Variants in IQGAP2 observed in about 807,000 individuals in gnomAD.
The protein encoded by IQGAP2 is ras GTPase-activating-like protein IQGAP2.
In IQGAP2, 173 loss-of-function variants were observed where a neutral mutation model predicts 201.3. The observed-to-expected ratio is 0.86, with a 90% CI of 0.76 to 0.98. The LOEUF (loss-of-function observed/expected upper bound fraction) is 0.98, where lower values mean the gene tolerates loss of function less well. Among genes scored for constraint, IQGAP2 ranks in the 50% least tolerant of loss-of-function variants. IQGAP2 has a pLI of 0.00. For missense variants in IQGAP2, 1,687 were observed against 1,864.8 expected (o/e 0.90, Z 1.76); for synonymous variants, 675 against 673.9 (o/e 1.00, Z -0.03).
intron 2 of IQGAP2, among the ~76,000 whole-genome samples, chr5:76,537,793 G>C (rs1361845307): frequency 6.6e-6 from 1 of 152,108 alleles, no homozygotes. Flanking sequence ...TGTGTGATGG[G>C]CTAGAACCAG....
chr5:76,437,134 C>T (rs1382319099), intron 1 of IQGAP2, among the ~76,000 whole-genome samples: 1 of 152,068 alleles, frequency 6.6e-6, no homozygotes, highest in Non-Finnish European at 1.5e-5. Context: ...TCACTGCAAC[C>T]TCTGCCTTTT....
intron 2 of IQGAP2, among the ~76,000 whole-genome samples, chr5:76,557,958 T>A (rs1265913514): frequency 1.3e-5 from 2 of 152,030 alleles, no homozygotes; most frequent in African/African-American, 4.8e-5. Context: ...AGGTGCCCAT[T>A]ACGATGCCTG....
intron 1 of IQGAP2, among the ~76,000 whole-genome samples, chr5:76,417,788 C>G (rs1751495600): frequency 6.6e-6 from 1 of 151,626 alleles, no homozygotes. Flanking sequence ...CGCCATGTTG[C>G]CCAGGCTGGT....
intron 17 of IQGAP2, among the ~76,000 whole-genome samples, chr5:76,648,163 G>A (rs1453120811): frequency 6.6e-6 from 1 of 152,176 alleles, no homozygotes; most frequent in Non-Finnish European, 1.5e-5. Context: ...GAGAGGTCCA[G>A]TAGGTAGCTG....
rs772650342 is a variant in IQGAP2, at chr5:76,606,303, C to T, written c.1357C>T (p.Arg453Ter). 4.4e-6 allele frequency: 7 copies of T among 1,593,422 alleles called. No individual in the cohort carries two copies. Among genetic ancestry groups the T allele is most frequent in the South Asian group, 3.5e-5 (3 of 86,222 alleles). ...TGCTCAAATTCAAGAAGAAAATGAC[C>T]GTAAGTATAAGACACTTTCCTTCTC... ...VNAQIQEEND[R>*]VVAVGYINEA... Residue 453 changes from arginine to a stop codon, truncating the protein, a stop_gained and splice_region_variant, in exon 12 of 36, where the codon CGA becomes TGA. Coordinates refer to ENST00000274364, the MANE Select transcript of IQGAP2 (RefSeq NM_006633.5). LOFTEE classifies it high-confidence loss of function.
At chr5:76,428,063 A>G (rs907327525) in intron 1 of IQGAP2, among the ~76,000 whole-genome samples, 15 of 152,200 alleles carry the variant, frequency 9.9e-5, no homozygotes, top group African/African-American at 3.6e-4. Flanking sequence ...TGAAGGGGCA[A>G]ACTGGCCCCA....
rs1306430746 is a variant in IQGAP2 at position 76,651,058 on chromosome 5, C to A, written c.2095-1692C>A. 2.6e-5 allele frequency among the ~76,000 whole-genome samples: 4 copies of A among 152,214 alleles called. No individual in the cohort carries two copies. The East Asian group carries it at 7.7e-4, about 29-fold the overall frequency. ...CAAAACTATACCCTTTTGTAGTTTC[C>A]TCGAGCTCACACTTCACCATCTATG... On this transcript the variant is annotated intron_variant, in intron 17 of 35. Transcript: ENST00000274364.
chr5:76,545,583 T>C (rs902495150), intron 2 of IQGAP2, among the ~76,000 whole-genome samples: 5 of 152,162 alleles, frequency 3.3e-5, no homozygotes, highest in African/African-American at 1.2e-4. Context: ...GTGTAAGTAT[T>C]TTTAATTTAT....
At chr5:76,669,950 G>A (rs1311174392) in intron 23 of IQGAP2, among the ~76,000 whole-genome samples, 1 of 152,164 alleles carries the variant, frequency 6.6e-6, no homozygotes, top group South Asian at 2.1e-4. Context: ...AGCCTCCTGA[G>A]TAGCTGGGAC....
intron 9 of IQGAP2, among the ~76,000 whole-genome samples, chr5:76,594,195 C>T (rs1501788): frequency 0.35 from 52,475 of 152,006 alleles, 9,457 homozygotes; most frequent in South Asian, 0.59. Flanking sequence ...AAGCTGAGAA[C>T]TTCGTGATGC....
intron 3 of IQGAP2, among the ~76,000 whole-genome samples, chr5:76,566,271 T>G (rs1744743039): frequency 6.6e-6 from 1 of 151,908 alleles, no homozygotes; most frequent in Admixed American, 6.6e-5. Flanking sequence ...CGAAAGCCAG[T>G]GTTATGGGTA....
At chr5:76,620,733 GT>G (rs1219974163) in intron 13 of IQGAP2, among the ~76,000 whole-genome samples, 1 of 152,056 alleles carries the variant, frequency 6.6e-6, no homozygotes, top group Non-Finnish European at 1.5e-5. Flanking sequence ...GACTTTAGGG[GT>G]AATGACAGAT....
chr5:76,574,129 T>G (rs1221072736), intron 4 of IQGAP2, among the ~76,000 whole-genome samples: 1 of 152,186 alleles, frequency 6.6e-6, no homozygotes, highest in African/African-American at 2.4e-5. Context: ...TACCATATGA[T>G]GCATTATTTT....
intron 16 of IQGAP2, among the ~76,000 whole-genome samples, chr5:76,637,893 T>G (rs1751271351): frequency 6.6e-6 from 1 of 152,246 alleles, no homozygotes; most frequent in South Asian, 2.1e-4. Context: ...CAAGATACAT[T>G]GAACTGGAAT....
At chr5:76,706,672 A>G (rs773839616) in intron 35 of IQGAP2, among the ~76,000 whole-genome samples, 7 of 152,352 alleles carry the variant, frequency 4.6e-5, no homozygotes, top group Middle Eastern at 3.4e-3. Context: ...TCTAAAGAAT[A>G]TGCATCTAGC....
At chr5:76,469,647 G>A (rs534752246) in intron 2 of IQGAP2, among the ~76,000 whole-genome samples, 22 of 152,124 alleles carry the variant, frequency 1.4e-4, no homozygotes, top group African/African-American at 4.6e-4. Context: ...CAAGTGATCC[G>A]CCTGCATTGG....
intron 22 of IQGAP2, among the ~76,000 whole-genome samples, chr5:76,666,862 G>GCCT (rs1440390631): frequency 2.6e-5 from 4 of 152,082 alleles, no homozygotes; most frequent in African/African-American, 7.2e-5. Flanking sequence ...TCCCACCTTG[G>GCCT]CCTCCTGAGT....
At chr5:76,418,585 C>A in intron 1 of IQGAP2, among the ~76,000 whole-genome samples, 1 of 83,022 alleles carries the variant, frequency 1.2e-5, no homozygotes. Context: ...CAGAGTGAGA[C>A]TCCATCTCGA....
intron 20 of IQGAP2, among the ~76,000 whole-genome samples, chr5:76,655,587 A>G (rs1752849456): frequency 6.6e-6 from 1 of 152,142 alleles, no homozygotes; most frequent in Non-Finnish European, 1.5e-5. Context: ...AGCTGGGGTT[A>G]CAGGCACCAG....
Sources: gnomAD v4.1 joint callset for allele counts (sites outside exome capture counted in the v4.1 genomes callset) on GRCh38, gnomAD v4.1.1 for gene constraint, MANE v1.5 for transcripts, NCBI Gene and HGNC (gene_info 2026-07-23, HGNC 2026-07-21) for gene names.